Variants in LRP2BP observed in about 807,000 individuals in gnomAD.
LRP2BP encodes the protein LRP2 binding protein.
A neutral mutation model predicts 45.2 loss-of-function variants in LRP2BP; 38 were observed. The observed-to-expected ratio is 0.84, with a 90% confidence interval of 0.65 to 1.10. The LOEUF is 1.10. Ranked by LOEUF, LRP2BP falls within the 50% of genes least tolerant of loss-of-function variation. LRP2BP has a pLI of 0.00. For synonymous variants in LRP2BP, 153 were observed against 153.9 expected (o/e 0.99, Z 0.04); for missense variants, 385 against 418.9 (o/e 0.92, Z 0.71).
At chr4:185,385,162 C>A (rs1378426218) in intron 1 of LRP2BP, among the ~76,000 whole-genome samples, 1 of 152,148 alleles carries the variant, frequency 6.6e-6, no homozygotes, top group Non-Finnish European at 1.5e-5. Context: ...CTAAGAAACA[C>A]TGATACGTTC....
At chr4:185,371,533 C>T (rs1367928984) in intron 7 of LRP2BP, among the ~76,000 whole-genome samples, 2 of 103,084 alleles carry the variant, frequency 1.9e-5, no homozygotes, top group Non-Finnish European at 3.7e-5. Context: ...CAGAGCGAGA[C>T]TCCGTCTAAA....
intron 4 of LRP2BP, among the ~76,000 whole-genome samples, chr4:185,374,907 A>G (rs765600453): frequency 1.7e-4 from 26 of 152,138 alleles, no homozygotes; most frequent in Non-Finnish European, 3.4e-4. Context: ...CCATTCAAGC[A>G]TACTTTTACT....
At chr4:185,388,812 CAAATT>C (rs139914224) in intron 1 of LRP2BP, among the ~76,000 whole-genome samples, 88,562 of 151,434 alleles carry the variant, frequency 0.58, 27,741 homozygotes, top group Non-Finnish European at 0.7. Flanking sequence ...ACATCCTACT[CAAATT>C]AATCTTTGTT....
upstream of LRP2BP, chr4:185,395,957 G>C (rs774677305): frequency 5.2e-6 from 5 of 958,124 alleles, no homozygotes; most frequent in Non-Finnish European, 5.0e-6. Flanking sequence ...AGCTGCCATC[G>C]GAAGTCAGGT....
chr4:185,382,111 G>A (rs2095457559), intron 1 of LRP2BP, among the ~76,000 whole-genome samples: 1 of 152,084 alleles, frequency 6.6e-6, no homozygotes, highest in African/African-American at 2.4e-5. Flanking sequence ...CTATATAAAT[G>A]GAATCATAGA....
chr4:185,372,774 G>A, intron 7 of LRP2BP, 82 bp downstream of exon 7: 1 of 1,232,716 alleles, frequency 8.1e-7, no homozygotes, highest in Non-Finnish European at 1.1e-6. Context: ...CTGGAACTGT[G>A]AGAAATAAAT....
upstream of LRP2BP, chr4:185,396,425 G>GTCCC (rs1378738725): frequency 3.2e-5 from 5 of 153,872 alleles, no homozygotes; most frequent in Non-Finnish European, 7.2e-5. Flanking sequence ...CCGCTTCTCC[G>GTCCC]TAAGGATTAA....
At chr4:185,384,843 C>T (rs1358510183) in intron 1 of LRP2BP, among the ~76,000 whole-genome samples, 3 of 152,038 alleles carry the variant, frequency 2.0e-5, no homozygotes, top group South Asian at 2.1e-4. Context: ...AAAGACAATA[C>T]TGATTCAGGC....
chr4:185,396,030 A>C (rs1580028921), upstream of LRP2BP: 4 of 454,072 alleles, frequency 8.8e-6, no homozygotes, highest in Non-Finnish European at 1.2e-5. Context: ...CAGCGGCTTC[A>C]CCAGCCCCGC....
intron 1 of LRP2BP, among the ~76,000 whole-genome samples, chr4:185,392,700 G>A (rs1711899100): frequency 1.3e-5 from 2 of 151,954 alleles, no homozygotes; most frequent in Non-Finnish European, 2.9e-5. Flanking sequence ...ATCACCTTCA[G>A]TGTATGAACG....
chr4:185,396,034 G>T, upstream of LRP2BP: 1 of 420,526 alleles, frequency 2.4e-6, no homozygotes, highest in Non-Finnish European at 3.2e-6. Context: ...GGCTTCACCA[G>T]CCCCGCGGGT....
chr4:185,387,362 T>C (rs1202661691), intron 1 of LRP2BP, among the ~76,000 whole-genome samples: 1 of 152,236 alleles, frequency 6.6e-6, no homozygotes, highest in Non-Finnish European at 1.5e-5. Context: ...TGCCACACAA[T>C]GTACAAATAA....
At chr4:185,396,847 TCTTAC>T (rs1475113534), upstream of LRP2BP, 13 of 1,504,952 alleles carry the variant, frequency 8.6e-6, no homozygotes, top group Non-Finnish European at 1.2e-5. Flanking sequence ...GCCTGCGCAT[TCTTAC>T]CTGTCGGGGT....
intron 1 of LRP2BP, among the ~76,000 whole-genome samples, chr4:185,388,829 C>G (rs1315514589): frequency 6.6e-6 from 1 of 151,734 alleles, no homozygotes; most frequent in African/African-American, 2.4e-5. Context: ...ATCTTTGTTC[C>G]TAAGAGGAGA....
intron 7 of LRP2BP, chr4:185,371,032 G>A: frequency 2.2e-6 from 1 of 461,816 alleles, no homozygotes; most frequent in South Asian, 4.2e-5. Context: ...CTGTAATTAT[G>A]CTCAGCAGGC....
chr4:185,387,529 T>G (rs1011540463), intron 1 of LRP2BP, among the ~76,000 whole-genome samples: 4 of 152,214 alleles, frequency 2.6e-5, no homozygotes, highest in Admixed American at 2.0e-4. Flanking sequence ...GCTAAGATGA[T>G]CTTGCTGCCT....
rs767392051 is a variant in LRP2BP, at chr4:185,374,454, C to T, written c.338G>A (p.Gly113Glu). ...AAGAATTTTCTTCATATAGTCCACC[C>T]CTTTCTCCTTCGACAAAAGAAAGAG... ...GLGTTLDAEK[G>E]VDYMKKILDS... The change falls in exon 5 of 9, where the codon GGG becomes GAG. Residue 113 changes from glycine (G) to glutamate (E), a missense_variant. Gly to Glu is a moderately conservative substitution (Grantham distance 98, BLOSUM62 -2). Coordinates refer to ENST00000505916, the MANE Select transcript of LRP2BP (RefSeq NM_001377440.1). 21 of 1,604,736 alleles carry T rather than the reference C, an allele frequency of 1.3e-5. No homozygotes were observed. The East Asian group carries it at 4.5e-4, about 34-fold the overall frequency.
chr4:185,374,561 G>C, intron 4 of LRP2BP, 100 bp from the exon 5 acceptor site: 1 of 1,243,652 alleles, frequency 8.0e-7, no homozygotes, highest in Non-Finnish European at 1.1e-6. Flanking sequence ...CCTCTGACAC[G>C]ATGTATAATA....
chr4:185,384,573 T>C (rs1169652851), intron 1 of LRP2BP, among the ~76,000 whole-genome samples: 1 of 151,384 alleles, frequency 6.6e-6, no homozygotes, highest in Non-Finnish European at 1.5e-5. Context: ...AATGAATAGC[T>C]GTATTTAAAG....
Sources: allele counts gnomAD v4.1 joint callset (sites outside exome capture counted in the v4.1 genomes callset), GRCh38; gene constraint gnomAD v4.1.1; transcripts MANE v1.5; gene names NCBI Gene and HGNC (gene_info 2026-07-23, HGNC 2026-07-21).